Variants in SEPTIN11 observed in about 807,000 individuals in gnomAD.
The protein encoded by SEPTIN11 is septin 11.
Under a neutral mutation model 51.4 loss-of-function variants are expected in SEPTIN11, and 25 were observed. The ratio of observed to expected loss-of-function variants is 0.49; its 90% CI spans 0.35 to 0.68. The LOEUF (loss-of-function observed/expected upper bound fraction) is 0.68. Ranked by LOEUF, SEPTIN11 falls within the 30% of genes least tolerant of loss-of-function variation. The pLI is 0.00. For missense variants in SEPTIN11, 381 were observed against 520.8 expected, an observed-to-expected ratio of 0.73 and a Z score of 2.61; for synonymous variants, 174 against 184.1, an observed-to-expected ratio of 0.95 and a Z score of 0.44.
chr4:76,982,029 A>G (rs78228125), intron 1 of SEPTIN11, among the ~76,000 whole-genome samples: 4,246 of 152,272 alleles, frequency 0.028, 99 homozygotes, highest in East Asian at 0.11. Flanking sequence ...TCCCCATTTA[A>G]GGACTATTTC....
chr4:76,999,977 C>T (rs894452785), intron 2 of SEPTIN11, among the ~76,000 whole-genome samples: 2 of 152,148 alleles, frequency 1.3e-5, no homozygotes, highest in African/African-American at 4.8e-5. Flanking sequence ...TCTAAATTAG[C>T]ATTTAGCCTT....
chr4:76,992,579 G>A (rs1464508759), intron 1 of SEPTIN11, among the ~76,000 whole-genome samples: 1 of 152,186 alleles, frequency 6.6e-6, no homozygotes, highest in African/African-American at 2.4e-5. Context: ...CTAATTTATA[G>A]AATTATTAAG....
At chr4:76,977,109 TA>T (rs1722536777) in intron 1 of SEPTIN11, among the ~76,000 whole-genome samples, 1 of 152,158 alleles carries the variant, frequency 6.6e-6, no homozygotes, top group Admixed American at 6.6e-5. Flanking sequence ...TAAACCATAG[TA>T]AAAAGCTCAA....
intron 1 of SEPTIN11, among the ~76,000 whole-genome samples, chr4:76,975,754 A>C (rs1722469409): frequency 6.6e-6 from 1 of 152,212 alleles, no homozygotes; most frequent in Admixed American, 6.5e-5. Context: ...GGATTCTCTT[A>C]CCAAATTTTG....
chr4:76,975,022 CTGAGGCA>C (rs1722423738), intron 1 of SEPTIN11, among the ~76,000 whole-genome samples: 1 of 150,690 alleles, frequency 6.6e-6, no homozygotes, highest in Admixed American at 6.6e-5. Context: ...ACTCAGAAGG[CTGAGGCA>C]TGAGAATTGC....
intron 5 of SEPTIN11, among the ~76,000 whole-genome samples, chr4:77,016,659 C>CAT (rs776737427): frequency 0.036 from 2,374 of 65,656 alleles, 109 homozygotes; most frequent in Non-Finnish European, 0.046. Context: ...TATATATACA[C>CAT]ATATATATAT....
At position 76,979,374 on chromosome 4, in the gene SEPTIN11, T is replaced by G. The variant is rs143651202; in HGVS notation, c.28-17051T>G. ...GATGAGTAGGATTTGACAAGTGGAG[T>G]TGAAGGTGGAGGCATGCTCTGTGCA... On this transcript the variant is annotated intron_variant, in intron 1 of 9. Transcript: ENST00000264893. Among the ~76,000 whole-genome samples, 484 of 152,050 alleles carry G rather than the reference T, an allele frequency of 3.2e-3. 2 individuals are homozygous for G. The highest frequency in any genetic ancestry group is 0.011 in the African/African-American group (442 of 41,470).
At chr4:77,008,540 C>T (rs1222168712) in intron 3 of SEPTIN11, among the ~76,000 whole-genome samples, 1 of 152,120 alleles carries the variant, frequency 6.6e-6, no homozygotes, top group Non-Finnish European at 1.5e-5. Flanking sequence ...AGTATTTGGT[C>T]GTATATGAAG....
chr4:77,035,679 TTGTC>T lies in SEPTIN11; in HGVS notation c.*1170_*1173del. 1 of 985,868 alleles carries T rather than the reference TTGTC, an allele frequency of 1.0e-6. No individual in the cohort carries two copies. The highest frequency in any genetic ancestry group is 1.7e-5 in the African/African-American group (1 of 57,368). The allele number at this position is 985,868 out of a possible 1,614,324, so 61.1% of individuals were successfully genotyped here. A position where few individuals can be genotyped will look rare whatever the true frequency, so the allele number is the denominator to read the frequency against. ...ATAGAACAGCTGAAGTCTCAAATCA[TTGTC>T]TGGAATTTTCCTCACCTTGGCTAGC... is the stretch of plus-strand genomic sequence containing the variant. On this transcript the variant is annotated 3_prime_UTR_variant, in exon 10 of 10. Transcript: ENST00000264893.
intron 1 of SEPTIN11, among the ~76,000 whole-genome samples, chr4:76,969,915 G>A (rs1285481875): frequency 6.6e-6 from 1 of 152,008 alleles, no homozygotes; most frequent in South Asian, 2.1e-4. Context: ...CCCTTTTCTT[G>A]GGGTTTCCAA....
At chr4:77,018,179 CCAGCA>C (rs1725430248) in intron 5 of SEPTIN11, among the ~76,000 whole-genome samples, 2 of 149,420 alleles carry the variant, frequency 1.3e-5, no homozygotes, top group African/African-American at 5.1e-5. Flanking sequence ...GTGACTCACG[CCAGCA>C]CTTTCGGAGT....
chr4:76,997,846 A>G (rs1723835827), intron 2 of SEPTIN11, among the ~76,000 whole-genome samples: 1 of 152,216 alleles, frequency 6.6e-6, no homozygotes, highest in Non-Finnish European at 1.5e-5. Context: ...AGTATGCTAA[A>G]TTGTAATCGC....
chr4:76,981,246 A>G (rs762396924), intron 1 of SEPTIN11, among the ~76,000 whole-genome samples: 2 of 152,218 alleles, frequency 1.3e-5, no homozygotes, highest in African/African-American at 2.4e-5. Context: ...AGACATATCA[A>G]CATGATGATA....
rs1265980222 is a variant in SEPTIN11 at position 77,035,668 on chromosome 4, G to A, written c.*1156G>A. 1 of 985,692 alleles carries A rather than the reference G, an allele frequency of 1.0e-6. No homozygotes were observed. The highest frequency in any genetic ancestry group is 1.1e-4 in the East Asian group (1 of 8,824). 61.1% of individuals were successfully genotyped at this position (985,692 alleles called of 1,614,324 possible). A position where few individuals can be genotyped will look rare whatever the true frequency, so the allele number is the denominator to read the frequency against. On this transcript the variant is annotated 3_prime_UTR_variant, in exon 10 of 10. Coordinates refer to ENST00000264893, the MANE Select transcript of SEPTIN11 (RefSeq NM_018243.4). ...AGAAAGAAGAAATAGAACAGCTGAA[G>A]TCTCAAATCATTGTCTGGAATTTTC...
rs79185079 is a variant in SEPTIN11, at chr4:77,020,109, A to G, written c.785-393A>G. 9.0e-4 allele frequency among the ~76,000 whole-genome samples: 137 copies of G among 152,312 alleles called. 1 individual carries two copies. The East Asian group carries it at 0.024, about 27-fold the overall frequency. The stretch of plus-strand genomic sequence containing the variant: ...ACAAATACATCTGGCTTTGGGCCAG[A>G]TGTTCTGGCATTTGAATCTAGACCC... On this transcript the variant is annotated intron_variant, in intron 6 of 9. Transcript: ENST00000264893.
intron 1 of SEPTIN11, among the ~76,000 whole-genome samples, chr4:76,951,582 G>A (rs1364546050): frequency 6.6e-6 from 1 of 152,170 alleles, no homozygotes; most frequent in Non-Finnish European, 1.5e-5. Flanking sequence ...TAGATTCAGA[G>A]AACTAAAATA....
At position 76,953,773 on chromosome 4, in the gene SEPTIN11, C is replaced by T. The variant is rs553288418; in HGVS notation, c.27+3843C>T. 4.1e-4 allele frequency among the ~76,000 whole-genome samples: 63 copies of T among 152,176 alleles called. 2 individuals carry two copies. The highest frequency in any genetic ancestry group is 1.4e-3 in the African/African-American group (59 of 41,506). On this transcript the variant is annotated intron_variant, in intron 1 of 9. Coordinates refer to ENST00000264893, the MANE Select transcript of SEPTIN11 (RefSeq NM_018243.4). The stretch of plus-strand genomic sequence containing the variant: ...AATAATCTCTCCTTTTAAAATCTTT[C>T]GAAAGTTATAGATTAATTTATCTTT...
rs1327499732 is a variant in SEPTIN11 at position 76,983,325 on chromosome 4, G to A, written c.28-13100G>A. Among the ~76,000 whole-genome samples, 21 of 152,318 alleles carry A rather than the reference G, an allele frequency of 1.4e-4. No homozygotes were observed. The East Asian group carries it at 3.5e-3, about 25-fold the overall frequency. ...AGAGGTGACCTCGTGGCTTGGAACC[G>A]TCAGTGACTTTTTGGAGCTGAGTGC... On this transcript the variant is annotated intron_variant, in intron 1 of 9. Transcript: ENST00000264893.
intron 1 of SEPTIN11, among the ~76,000 whole-genome samples, chr4:76,985,673 G>A (rs957636511): frequency 3.3e-5 from 5 of 152,120 alleles, no homozygotes; most frequent in African/African-American, 7.2e-5. Context: ...TCTGCAAAGC[G>A]GGCCTAAGTG....
Sources: gnomAD v4.1 joint callset for allele counts (sites outside exome capture counted in the v4.1 genomes callset) on GRCh38, gnomAD v4.1.1 for gene constraint, MANE v1.5 for transcripts, NCBI Gene and HGNC (gene_info 2026-07-23, HGNC 2026-07-21) for gene names.